Variants in ACCSL observed in about 807,000 individuals in gnomAD.
ACCSL encodes 1-aminocyclopropane-1-carboxylate synthase homolog (inactive) like.
ACCSL carries 55 observed loss-of-function variants against 61.7 expected under a neutral mutation model. That is an observed-to-expected ratio of 0.89 (90% confidence interval 0.72 to 1.12). The LOEUF (loss-of-function observed/expected upper bound fraction) is 1.12. Among genes scored for constraint, ACCSL ranks in the 50% most tolerant of loss-of-function variants. The pLI, the probability that ACCSL is intolerant of heterozygous loss-of-function variation, is 0.00. For missense variants in ACCSL, 632 were observed against 698.0 expected (o/e 0.91, Z 1.07); for synonymous variants, 258 against 264.3 (o/e 0.98, Z 0.23).
At chr11:43,997,805 T>C in the ACCSL span, among the ~76,000 whole-genome samples, 2 of 152,156 alleles carry the variant, frequency 1.3e-5, no homozygotes, top group Non-Finnish European at 2.9e-5. Flanking sequence ...AAGATCTAGG[T>C]TAGGGGATTC....
chr11:44,013,588 T>G, the ACCSL span, among the ~76,000 whole-genome samples: 1 of 152,210 alleles, frequency 6.6e-6, no homozygotes, highest in Admixed American at 6.5e-5. Context: ...CCACCACGCC[T>G]GGCCAAGCAC....
chr11:44,054,342 T>C (rs770713742), intron 8 of ACCSL, among the ~76,000 whole-genome samples: 16 of 151,966 alleles, frequency 1.1e-4, no homozygotes, highest in Non-Finnish European at 2.1e-4. Flanking sequence ...CTAGAGGGGG[T>C]AGGCAAGAAT....
chr11:44,051,542 A>G (rs949565108), intron 4 of ACCSL, 111 bp from the exon 5 acceptor site: 7 of 1,540,224 alleles, frequency 4.5e-6, no homozygotes, highest in African/African-American at 2.7e-5. Flanking sequence ...AATGTGTCCC[A>G]ACTGAGGAGG....
chr11:43,970,208 G>A, the ACCSL span, among the ~76,000 whole-genome samples: 1 of 151,932 alleles, frequency 6.6e-6, no homozygotes, highest in Non-Finnish European at 1.5e-5. Context: ...ATTGTAATAA[G>A]TATTTTTTAT....
chr11:43,978,120 C>T, the ACCSL span, among the ~76,000 whole-genome samples: 1 of 151,166 alleles, frequency 6.6e-6, no homozygotes, highest in Admixed American at 6.6e-5. Flanking sequence ...AGTGATTCTC[C>T]TGCCTCAGCC....
the ACCSL span, among the ~76,000 whole-genome samples, chr11:43,934,920 G>T: frequency 6.6e-6 from 1 of 152,116 alleles, no homozygotes; most frequent in Non-Finnish European, 1.5e-5. Context: ...TCCCAGCTCT[G>T]CCCAGAAGCC....
intron 1 of ACCSL, 148 bp from the exon 2 acceptor site, chr11:44,049,914 T>C (rs867790815): frequency 9.5e-7 from 1 of 1,049,466 alleles, no homozygotes. Flanking sequence ...TTTGGGTTCA[T>C]GGAAAGCTTT....
the ACCSL span, among the ~76,000 whole-genome samples, chr11:43,967,213 T>C: frequency 4.4e-4 from 60 of 136,806 alleles, no homozygotes; most frequent in Non-Finnish European, 7.9e-4. Flanking sequence ...GTTTCGCTCT[T>C]GTCGCCCAGG....
chr11:43,964,470 G>T, the ACCSL span, among the ~76,000 whole-genome samples: 1 of 151,586 alleles, frequency 6.6e-6, no homozygotes, highest in African/African-American at 2.4e-5. Flanking sequence ...AATGTCTAGG[G>T]CCAGGTGGTT....
chr11:43,950,687 C>T, the ACCSL span, among the ~76,000 whole-genome samples: 1 of 152,218 alleles, frequency 6.6e-6, no homozygotes. Context: ...ATGATCAAGC[C>T]CACAAGCCCA....
the ACCSL span, chr11:43,971,417 A>G: frequency 6.6e-6 from 1 of 152,206 alleles, no homozygotes; most frequent in African/African-American, 2.4e-5. Context: ...CTATGAGGTA[A>G]GTAATACTAT....
chr11:43,954,432 C>T, the ACCSL span, among the ~76,000 whole-genome samples: 8 of 152,052 alleles, frequency 5.3e-5, no homozygotes, highest in East Asian at 3.9e-4. Flanking sequence ...CTTGAGGAGG[C>T]GGTGTCTGAT....
the ACCSL span, among the ~76,000 whole-genome samples, chr11:43,926,128 G>A: frequency 1.4e-4 from 21 of 152,140 alleles, no homozygotes; most frequent in African/African-American, 5.1e-4. Flanking sequence ...AATTGTGTGC[G>A]AGTGGAGCTG....
At chr11:44,008,862 A>G in the ACCSL span, among the ~76,000 whole-genome samples, 1 of 152,206 alleles carries the variant, frequency 6.6e-6, no homozygotes, top group African/African-American at 2.4e-5. Context: ...GTTTACAGAT[A>G]AGAAAACTGA....
At chr11:43,962,981 G>T in the ACCSL span, among the ~76,000 whole-genome samples, 1 of 152,120 alleles carries the variant, frequency 6.6e-6, no homozygotes, top group African/African-American at 2.4e-5. Context: ...ACTCTGTATT[G>T]CCTGTGTTCT....
the ACCSL span, chr11:43,943,234 G>A: frequency 6.7e-7 from 1 of 1,501,330 alleles, no homozygotes; most frequent in East Asian, 2.8e-5. The surrounding 1 kb of genome is among the most constrained non-coding windows in gnomAD (Gnocchi z 4.8). Flanking sequence ...GCAAACTGAG[G>A]AACAGCCTGG....
At chr11:43,949,471 C>T in the ACCSL span, among the ~76,000 whole-genome samples, 13 of 152,148 alleles carry the variant, frequency 8.5e-5, no homozygotes, top group Admixed American at 2.0e-4. Context: ...CTATGTCAGG[C>T]AAACCTGCCT....
chr11:43,997,668 A>G, the ACCSL span, among the ~76,000 whole-genome samples: 2 of 152,230 alleles, frequency 1.3e-5, no homozygotes, highest in Admixed American at 1.3e-4. Flanking sequence ...CTTGAGATAC[A>G]GGTTTCCTTT....
chr11:43,994,288 A>T, the ACCSL span, among the ~76,000 whole-genome samples: 1 of 152,176 alleles, frequency 6.6e-6, no homozygotes, highest in Non-Finnish European at 1.5e-5. Flanking sequence ...GTCCTCACTG[A>T]TAGTGCCACT....
Sources: allele counts gnomAD v4.1 joint callset (sites outside exome capture counted in the v4.1 genomes callset), GRCh38; gene constraint gnomAD v4.1.1; non-coding constraint Gnocchi (gnomAD v3.1); transcripts MANE v1.5; gene names NCBI Gene and HGNC (gene_info 2026-07-23, HGNC 2026-07-21).